DCTN4: variants seen among roughly 807,000 people sequenced by gnomAD.
DCTN4 encodes dynactin 4 (p62).
In DCTN4, 23 loss-of-function variants were observed where a neutral mutation model predicts 62.7. The ratio of observed to expected loss-of-function variants is 0.37; its 90% confidence interval spans 0.26 to 0.52. The LOEUF is 0.52. DCTN4 is among the 20% of genes least tolerant of loss of function. The probability of loss-of-function intolerance (pLI) is 0.92; values close to 1 mark genes in which losing one functional copy is unlikely to be tolerated. For missense variants in DCTN4, 514 were observed against 580.4 expected (o/e 0.89, Z 1.18); for synonymous variants, 199 against 202.1 (o/e 0.98, Z 0.13).
Position 150,747,420 on chromosome 5 carries a change from A to G in DCTN4, c.386-5263T>C, listed in dbSNP as rs1275051866. 2.6e-5 allele frequency among the ~76,000 whole-genome samples: 4 copies of G among 152,254 alleles called. No homozygotes were observed. In the East Asian group the frequency reaches 5.8e-4, roughly 22 times the overall value. On this transcript the variant is annotated intron_variant, in intron 3 of 12. Coordinates refer to ENST00000447998, the MANE Select transcript of DCTN4 (RefSeq NM_016221.4). Reference sequence around the variant, plus strand: ...CATCAAGCTACCAATGACTTTCTTCACAGAATTGGAAAAAACTACTTTAAA... The same window carrying G: ...CATCAAGCTACCAATGACTTTCTTCGCAGAATTGGAAAAAACTACTTTAAA...
At chr5:150,725,596 G>A (rs1197084498) in intron 8 of DCTN4, among the ~76,000 whole-genome samples, 2 of 151,578 alleles carry the variant, frequency 1.3e-5, no homozygotes, top group African/African-American at 4.9e-5. Context: ...TGCTGACATC[G>A]CTAATCTTTT....
In DCTN4 at chr5:150,728,879, C is replaced by CTT. The variant is rs200501152; in HGVS notation, c.834+1750_834+1751dup. 8.5e-5 allele frequency among the ~76,000 whole-genome samples: 12 copies of CTT among 141,144 alleles called. No individual in the cohort carries two copies. In the East Asian group the frequency reaches 1.8e-3, roughly 21 times the overall value. The allele number at this position is 141,144 out of a possible 152,430, so 92.6% of individuals were successfully genotyped here. The stretch of plus-strand genomic sequence containing the variant: ...AATCTACTATCTTACCACACACAAT[C>CTT]TTTTTTTTTTTTTTAACAGACAGGG... On this transcript the variant is annotated intron_variant, in intron 8 of 12. Coordinates refer to ENST00000447998, the MANE Select transcript of DCTN4 (RefSeq NM_016221.4).
chr5:150,756,338 C>T (rs73278072), intron 2 of DCTN4, 79 bp downstream of exon 2: 78,705 of 1,024,628 alleles, frequency 0.077, 5,737 homozygotes, highest in African/African-American at 0.31. Context: ...CATGCCTGGC[C>T]CATGTGTCTT....
chr5:150,714,693 C>G (rs573281509), intron 12 of DCTN4, among the ~76,000 whole-genome samples: 11 of 152,038 alleles, frequency 7.2e-5, no homozygotes, highest in Non-Finnish European at 1.5e-4. Context: ...CTTCTTTACC[C>G]AGGAGGAAGT....
intron 11 of DCTN4, among the ~76,000 whole-genome samples, chr5:150,716,202 C>A (rs1485866023): frequency 2.0e-5 from 3 of 152,126 alleles, no homozygotes; most frequent in African/African-American, 7.2e-5. Flanking sequence ...CCGCGCCTAG[C>A]CCTAATGTTT....
chr5:150,756,389 A>AG, intron 2 of DCTN4, 28 bp downstream of exon 2: 1 of 1,507,952 alleles, frequency 6.6e-7, no homozygotes, highest in Non-Finnish European at 9.0e-7. Flanking sequence ...GAAAATAGGA[A>AG]GAAAAAAAAA....
chr5:150,736,018 A>G (rs761386580), intron 4 of DCTN4, among the ~76,000 whole-genome samples: 6 of 151,900 alleles, frequency 3.9e-5, no homozygotes, highest in Non-Finnish European at 7.4e-5. Flanking sequence ...ACACACTTAG[A>G]CAAGGCTTTT....
chr5:150,749,368 G>A (rs1344049529), intron 3 of DCTN4, among the ~76,000 whole-genome samples: 2 of 152,182 alleles, frequency 1.3e-5, no homozygotes, highest in African/African-American at 4.8e-5. Context: ...AACACAATGA[G>A]AAAATGCAAA....
chr5:150,720,109 TG>T (rs1385726550), intron 9 of DCTN4, among the ~76,000 whole-genome samples: 16 of 152,230 alleles, frequency 1.1e-4, no homozygotes, highest in Admixed American at 1.0e-3. Context: ...AGGAAAATAA[TG>T]GTATCTTTCA....
rs1759554876 is a variant in DCTN4 at position 150,711,296 on chromosome 5, C to G, written c.1236G>C (p.Glu412Asp). 5.0e-6 allele frequency: 8 copies of G among 1,613,454 alleles called. No individual in the cohort carries two copies. The highest frequency in any genetic ancestry group is 6.8e-6 in the Non-Finnish European group (8 of 1,180,052). ...TCTTGAAGCACACGGTCACTTCACC[C>G]TCCTCACGCTGTGGTGTAACTTTGA... ...IFIKVTPQRE[E>D]GEVTVCFKMK... The change falls in exon 13 of 13, where the codon GAG becomes GAC. Residue 412 changes from glutamate to aspartate, a missense_variant. Glu to Asp is a conservative substitution (Grantham distance 45, BLOSUM62 2). Transcript: ENST00000447998.
intron 3 of DCTN4, among the ~76,000 whole-genome samples, chr5:150,744,746 A>AT (rs1307530927): frequency 2.6e-5 from 4 of 152,142 alleles, no homozygotes; most frequent in African/African-American, 4.8e-5. Context: ...ATGATGAGAG[A>AT]TTTTGTCGCC....
intron 11 of DCTN4, among the ~76,000 whole-genome samples, chr5:150,717,482 A>C (rs1184200961): frequency 6.6e-6 from 1 of 152,146 alleles, no homozygotes; most frequent in Non-Finnish European, 1.5e-5. Context: ...TCCTGACCTT[A>C]GATGATCCAC....
At chr5:150,758,824 C>CA (rs756791599) in intron 1 of DCTN4, 35 bp downstream of exon 1, 7 of 1,606,904 alleles carry the variant, frequency 4.4e-6, no homozygotes, top group Non-Finnish European at 5.1e-6. Flanking sequence ...GCGCCCCCCC[C>CA]ACCCCACATA....
In DCTN4 at chr5:150,708,655, ACT is replaced by A. The variant is rs1759457329; in HGVS notation, c.*2492_*2493del. ...GAATGGAAGGGAGCATGCCCCACCA[ACT>A]CTCTTAGCCAACTCTCTTAACTTCA... On this transcript the variant is annotated 3_prime_UTR_variant, in exon 13 of 13. Transcript: ENST00000447998. 1.3e-5 allele frequency: 2 copies of A among 152,654 alleles called. No homozygotes were observed. Among genetic ancestry groups the A allele is most frequent in the African/African-American group, 2.4e-5 (1 of 41,392 alleles). The allele number at this position is 152,654 out of a possible 1,614,324, so 9.5% of individuals were successfully genotyped here. A position where few individuals can be genotyped will look rare whatever the true frequency, so the allele number is the denominator to read the frequency against.
intron 4 of DCTN4, among the ~76,000 whole-genome samples, chr5:150,737,179 C>T (rs149572274): frequency 4.7e-4 from 71 of 152,216 alleles, no homozygotes; most frequent in African/African-American, 1.6e-3. Context: ...GGGACTTCAA[C>T]GCTCCACCAA....
At chr5:150,747,251 C>T (rs1234518436) in intron 3 of DCTN4, among the ~76,000 whole-genome samples, 15 of 152,122 alleles carry the variant, frequency 9.9e-5, no homozygotes, top group East Asian at 1.9e-4. Context: ...AGGACCTCTT[C>T]GAGGAGAACT....
intron 2 of DCTN4, among the ~76,000 whole-genome samples, chr5:150,754,234 T>C (rs1752778117): frequency 6.6e-6 from 1 of 152,228 alleles, no homozygotes; most frequent in Admixed American, 6.5e-5. Flanking sequence ...TTCTTGCTTT[T>C]AACTCTCCCA....
intron 10 of DCTN4, 56 bp downstream of exon 10, chr5:150,719,660 T>C (rs1314440073): frequency 3.2e-6 from 4 of 1,265,526 alleles, no homozygotes; most frequent in African/African-American, 2.9e-5. Flanking sequence ...CACATACACA[T>C]GTACACACAT....
At chr5:150,753,355 G>C in intron 3 of DCTN4, 124 bp downstream of exon 3, 1 of 774,654 alleles carries the variant, frequency 1.3e-6, no homozygotes, top group Non-Finnish European at 2.0e-6. Flanking sequence ...ACACAGAAGA[G>C]TTAATGACAA....
Sources: gnomAD v4.1 joint callset for allele counts (sites outside exome capture counted in the v4.1 genomes callset) on GRCh38, gnomAD v4.1.1 for gene constraint, MANE v1.5 for transcripts, NCBI Gene and HGNC (gene_info 2026-07-23, HGNC 2026-07-21) for gene names.